Variants in SPTSSB observed in about 807,000 individuals in gnomAD.
SPTSSB encodes the protein serine palmitoyltransferase small subunit B, also known as androgen down regulated in mouse prostate.
In SPTSSB, 6 loss-of-function variants were observed where a neutral mutation model predicts 7.7. The ratio of observed to expected loss-of-function variants is 0.78; its 90% CI spans 0.43 to 1.54. The LOEUF (loss-of-function observed/expected upper bound fraction) is 1.54, where lower values mean the gene tolerates loss of function less well. Among genes scored for constraint, SPTSSB ranks in the 40% most tolerant of loss-of-function variants. SPTSSB has a pLI of 0.01. For synonymous variants in SPTSSB, 28 were observed against 29.7 expected, an observed-to-expected ratio of 0.94 and a Z score of 0.19; for missense variants, 91 against 93.0, an observed-to-expected ratio of 0.98 and a Z score of 0.09.
intron 2 of SPTSSB, among the ~76,000 whole-genome samples, chr3:161,357,948 A>C (rs2108162319): frequency 6.6e-6 from 1 of 151,850 alleles, no homozygotes; most frequent in African/African-American, 2.4e-5. Flanking sequence ...ATCTGTGGTG[A>C]TTTGTTACAA....
intron 1 of SPTSSB, among the ~76,000 whole-genome samples, chr3:161,363,331 A>G (rs1282775781): frequency 6.6e-6 from 1 of 151,734 alleles, no homozygotes; most frequent in African/African-American, 2.4e-5. Flanking sequence ...TTTCTTGACT[A>G]TTTGAGTGAC....
At chr3:161,361,409 A>G (rs1715011070) in intron 1 of SPTSSB, among the ~76,000 whole-genome samples, 1 of 152,176 alleles carries the variant, frequency 6.6e-6, no homozygotes, top group African/African-American at 2.4e-5. Flanking sequence ...CGATTCTAAG[A>G]TAGTATTTCT....
rs150150052 is a variant in SPTSSB, at chr3:161,352,700, T to C, written c.-32-6345A>G. ...CAATGTGGGGATCATAAAAGGTGCT[T>C]CTGAATTCTCATTGTCTGCTTTCAG... On this transcript the variant is annotated intron_variant, in intron 2 of 2. Transcript: ENST00000620149. Among the ~76,000 whole-genome samples the C allele has an allele frequency of 3.8e-3, 576 of 152,348 alleles. 4 individuals are homozygous for C. The highest frequency in any genetic ancestry group is 0.013 in the African/African-American group (546 of 41,584).
At chr3:161,369,338 TTCTTTCTTTCTTTCTCTTTCTTTCTC>T (rs1715388022) in intron 1 of SPTSSB, among the ~76,000 whole-genome samples, 11 of 102,220 alleles carry the variant, frequency 1.1e-4, no homozygotes, top group East Asian at 8.5e-4. Context: ...CTTTCTTTCT[TTCTTTCTTTCTTTCTCTTTCTTTCTC>T]TCTCTGTCTC....
intron 2 of SPTSSB, among the ~76,000 whole-genome samples, chr3:161,357,515 A>G (rs1044471785): frequency 1.3e-5 from 2 of 152,226 alleles, no homozygotes; most frequent in Admixed American, 6.5e-5. Flanking sequence ...GCCAGAGGGA[A>G]TCTTCCAAAA....
chr3:161,356,416 T>C (rs1447638703), intron 2 of SPTSSB, among the ~76,000 whole-genome samples: 1 of 152,190 alleles, frequency 6.6e-6, no homozygotes, highest in Non-Finnish European at 1.5e-5. Flanking sequence ...CAGTGAATAA[T>C]TTGAGGGTGA....
chr3:161,362,261 C>A (rs1015021988), intron 1 of SPTSSB, among the ~76,000 whole-genome samples: 1 of 152,050 alleles, frequency 6.6e-6, no homozygotes, highest in Non-Finnish European at 1.5e-5. Context: ...AAGCAGTTTA[C>A]TATTCTTAGA....
chr3:161,370,475 T>C (rs1388668625), intron 1 of SPTSSB, among the ~76,000 whole-genome samples: 1 of 152,208 alleles, frequency 6.6e-6, no homozygotes, highest in African/African-American at 2.4e-5. Context: ...TTAAACAGCA[T>C]AGGAATAATT....
intron 1 of SPTSSB, among the ~76,000 whole-genome samples, chr3:161,367,691 A>T (rs1470245504): frequency 2.0e-5 from 3 of 152,200 alleles, no homozygotes; most frequent in African/African-American, 4.8e-5. Flanking sequence ...TGACAATGAC[A>T]TGTTAGTATG....
intron 2 of SPTSSB, among the ~76,000 whole-genome samples, chr3:161,352,101 G>A (rs1714568121): frequency 6.6e-6 from 1 of 152,152 alleles, no homozygotes; most frequent in South Asian, 2.1e-4. Context: ...CTTCTAAACT[G>A]CTGCTAGAAT....
At chr3:161,369,330 TTCTTTCTTTCTTTCTTTCTTTC>T in intron 1 of SPTSSB, among the ~76,000 whole-genome samples, 4 of 102,964 alleles carry the variant, frequency 3.9e-5, no homozygotes, top group African/African-American at 1.3e-4. Flanking sequence ...CTTTCTTTCT[TTCTTTCTTTCTTTCTTTCTTTC>T]TCTTTCTTTC....
At chr3:161,363,054 C>G (rs1396628655) in intron 1 of SPTSSB, among the ~76,000 whole-genome samples, 1 of 151,728 alleles carries the variant, frequency 6.6e-6, no homozygotes, top group Non-Finnish European at 1.5e-5. Context: ...CAATTATGTT[C>G]TTAAGAGTTT....
chr3:161,361,993 G>T (rs1279567058), intron 1 of SPTSSB, among the ~76,000 whole-genome samples: 2 of 152,086 alleles, frequency 1.3e-5, no homozygotes, highest in Non-Finnish European at 2.9e-5. Flanking sequence ...ATCAAAACCA[G>T]AACTAGGCCA....
At position 161,365,212 on chromosome 3, in the gene SPTSSB, G is replaced by T. The variant is rs554671506; in HGVS notation, c.-125-5318C>A. ...CAACAATATAAGAGATGCACTACTTGTATACCTGACAAATCATTTATCCAT... is the reference window on the plus strand; with the variant it reads ...CAACAATATAAGAGATGCACTACTTTTATACCTGACAAATCATTTATCCAT... On this transcript the variant is annotated intron_variant, in intron 1 of 2. Coordinates refer to ENST00000620149, the MANE Select transcript of SPTSSB (RefSeq NM_001040100.2). Among the ~76,000 whole-genome samples the T allele has an allele frequency of 1.5e-4, 23 of 152,326 alleles. No homozygotes were observed. In the South Asian group the frequency reaches 4.8e-3, roughly 32 times the overall value.
At chr3:161,353,954 G>A (rs1405501918) in intron 2 of SPTSSB, among the ~76,000 whole-genome samples, 2 of 152,070 alleles carry the variant, frequency 1.3e-5, no homozygotes, top group African/African-American at 2.4e-5. Context: ...AATACCAGAA[G>A]TCAGACCAGA....
intron 1 of SPTSSB, among the ~76,000 whole-genome samples, chr3:161,371,055 G>T (rs944647796): frequency 6.6e-6 from 1 of 152,202 alleles, no homozygotes; most frequent in Admixed American, 6.5e-5. Context: ...TATGGGCAGA[G>T]AGGGATTGTA....
At position 161,362,446 on chromosome 3, in the gene SPTSSB, C is replaced by T. The variant is rs115295300; in HGVS notation, c.-125-2552G>A. Among the ~76,000 whole-genome samples the T allele has an allele frequency of 4.5e-3, 692 of 152,146 alleles. 6 individuals carry two copies. The highest frequency in any genetic ancestry group is 0.016 in the African/African-American group (659 of 41,548). ...ATTTTTTAAGTTGTTCACTTTGTTT[C>T]TTAACTACTTTTTGCTTTTCCTTCT... On this transcript the variant is annotated intron_variant, in intron 1 of 2. Transcript: ENST00000620149.
Position 161,346,106 on chromosome 3 carries a change from G to A in SPTSSB, c.218C>T (p.Thr73Ile), listed in dbSNP as rs750866689. The A allele has an allele frequency of 6.4e-7, 1 of 1,550,624 alleles. No homozygotes were observed. The highest frequency in any genetic ancestry group is 8.9e-7 in the Non-Finnish European group (1 of 1,122,148). The change falls in exon 3 of 3, where the codon ACA (threonine) becomes ATA (isoleucine). Residue 73 changes from threonine to isoleucine, a missense_variant. Thr to Ile is a moderately conservative substitution (Grantham distance 89, BLOSUM62 -1). Coordinates refer to ENST00000620149, the MANE Select transcript of SPTSSB (RefSeq NM_001040100.2). ...ATGTGAACAGGATCAATTAGAAATTGTACTGTGATATCCACATATTTTTGA... is the reference window on the plus strand; with the variant it reads ...ATGTGAACAGGATCAATTAGAAATTATACTGTGATATCCACATATTTTTGA... ...FFSKICGYHS[T>I]ISN
chr3:161,370,774 G>T (rs1715473699), intron 1 of SPTSSB, among the ~76,000 whole-genome samples: 1 of 152,152 alleles, frequency 6.6e-6, no homozygotes, highest in Admixed American at 6.5e-5. Flanking sequence ...AACAAATCTG[G>T]AGTCCAACTC....
Sources: gnomAD v4.1 joint callset for allele counts (sites outside exome capture counted in the v4.1 genomes callset) on GRCh38, gnomAD v4.1.1 for gene constraint, MANE v1.5 for transcripts, NCBI Gene and HGNC (gene_info 2026-07-23, HGNC 2026-07-21) for gene names.